The following EML1 variants were observed in gnomAD, a reference collection of about 807,000 sequenced individuals.
EML1 encodes echinoderm microtubule-associated protein-like 1.
A neutral mutation model predicts 110.4 loss-of-function variants in EML1; 27 were observed. That is an observed-to-expected ratio of 0.24 (90% CI 0.18 to 0.34). EML1 has a LOEUF of 0.34. Ranked by LOEUF, EML1 falls within the 10% of genes least tolerant of loss-of-function variation. The pLI is 1.00. For missense variants in EML1, 741 were observed against 1,030.9 expected (o/e 0.72, Z 3.85); for synonymous variants, 344 against 385.8 (o/e 0.89, Z 1.27).
rs1377359483 is a variant in EML1, at chr14:99,939,436, C to A, written c.2322+109C>A. The stretch of plus-strand genomic sequence containing the variant: ...GGCTGTGAGCGACTGCTGCCAGCCA[C>A]AAAGGCAGATGTGACTCTGTTCTTT... On this transcript the variant is annotated intron_variant, in intron 21 of 21. Coordinates refer to ENST00000262233, the MANE Select transcript of EML1 (RefSeq NM_004434.3). This position sits in a 1 kb window ranked among gnomAD's most constrained non-coding sequence, Gnocchi z 4.2. The A allele has an allele frequency of 1.3e-6, 2 of 1,514,354 alleles. No homozygotes were observed. Among genetic ancestry groups the A allele is most frequent in the Non-Finnish European group, 1.8e-6 (2 of 1,119,324 alleles). The allele number at this position is 1,514,354 out of a possible 1,614,324, so 93.8% of individuals were successfully genotyped here.
intron 1 of EML1, among the ~76,000 whole-genome samples, chr14:99,751,345 C>A (rs1290981302): frequency 6.6e-6 from 1 of 152,150 alleles, no homozygotes; most frequent in Non-Finnish European, 1.5e-5. Flanking sequence ...GGGGCCACTG[C>A]ATGGAGGGTC....
chr14:99,786,575 C>T (rs1008246445), intron 1 of EML1, among the ~76,000 whole-genome samples: 1 of 152,168 alleles, frequency 6.6e-6, no homozygotes, highest in Admixed American at 6.5e-5. Context: ...CAGCTCCTAC[C>T]CTGGCGGGCA....
At chr14:99,817,162 C>T (rs2058182129) in intron 1 of EML1, among the ~76,000 whole-genome samples, 3 of 152,100 alleles carry the variant, frequency 2.0e-5, no homozygotes, top group African/African-American at 7.2e-5. Flanking sequence ...CCTGGAGTGA[C>T]GGGCTTACTA....
At chr14:99,874,080 A>C (rs187418017) in intron 3 of EML1, among the ~76,000 whole-genome samples, 55 of 152,222 alleles carry the variant, frequency 3.6e-4, no homozygotes, top group Admixed American at 1.2e-3. Flanking sequence ...TCAATTTTTG[A>C]TTCCCAATCA....
At chr14:99,793,272 C>T, upstream of EML1, 1 of 951,598 alleles carries the variant, frequency 1.1e-6, no homozygotes, top group Non-Finnish European at 1.2e-6. Flanking sequence ...CGAGGCCGCC[C>T]CCTCGCGGGC....
chr14:99,816,024 A>G (rs1464802577), intron 1 of EML1, among the ~76,000 whole-genome samples: 1 of 152,154 alleles, frequency 6.6e-6, no homozygotes, highest in Non-Finnish European at 1.5e-5. Flanking sequence ...TTTACTTTCT[A>G]GTCACTGGCT....
chr14:99,836,732 G>A (rs868156528), intron 1 of EML1, among the ~76,000 whole-genome samples: 1 of 152,192 alleles, frequency 6.6e-6, no homozygotes, highest in African/African-American at 2.4e-5. Flanking sequence ...ATTTTGCCTC[G>A]TTGGGTGCTG....
chr14:99,808,119 C>CCTCTGATCACGATACATACCG (rs1209113904), intron 1 of EML1, among the ~76,000 whole-genome samples: 4 of 151,974 alleles, frequency 2.6e-5, no homozygotes, highest in Non-Finnish European at 5.9e-5. Flanking sequence ...GATACATACC[C>CCTCTGATCACGATACATACCG]CTCTGATCAC....
At chr14:99,821,553 A>G (rs1189018970) in intron 1 of EML1, among the ~76,000 whole-genome samples, 1 of 152,036 alleles carries the variant, frequency 6.6e-6, no homozygotes, top group Non-Finnish European at 1.5e-5. Context: ...CATTATCCAT[A>G]TGATACAGGT....
At chr14:99,857,223 G>A (rs1368337791) in intron 2 of EML1, among the ~76,000 whole-genome samples, 1 of 151,918 alleles carries the variant, frequency 6.6e-6, no homozygotes, top group Non-Finnish European at 1.5e-5. Context: ...AGTGAGCCGA[G>A]GTCACACACT....
chr14:99,751,679 G>C (rs2057177059), intron 1 of EML1, among the ~76,000 whole-genome samples: 1 of 152,138 alleles, frequency 6.6e-6, no homozygotes, highest in South Asian at 2.1e-4. Context: ...GAGCTTCTGA[G>C]AAAAGGGTGT....
At chr14:99,895,685 G>A (rs1403837169) in intron 6 of EML1, among the ~76,000 whole-genome samples, 2 of 151,260 alleles carry the variant, frequency 1.3e-5, no homozygotes, top group Non-Finnish European at 2.9e-5. Context: ...AGAAAAATAT[G>A]AATACCAAAG....
At chr14:99,871,818 A>C (rs1460330371) in intron 3 of EML1, among the ~76,000 whole-genome samples, 1 of 152,200 alleles carries the variant, frequency 6.6e-6, no homozygotes, top group Non-Finnish European at 1.5e-5. Flanking sequence ...TGCTGTGAAC[A>C]CTGTTCACAT....
At position 99,935,128 on chromosome 14, in the gene EML1, C is replaced by T. The variant is rs527404164; in HGVS notation, c.1910-901C>T. Among the ~76,000 whole-genome samples the T allele has an allele frequency of 2.4e-4, 37 of 152,300 alleles. 1 individual carries two copies. The highest frequency in any genetic ancestry group is 6.8e-3 in the Middle Eastern group (2 of 294). On this transcript the variant is annotated intron_variant, in intron 17 of 21. Coordinates refer to ENST00000262233, the MANE Select transcript of EML1 (RefSeq NM_004434.3). Reference sequence around the variant, plus strand: ...GGGCCCTTCCAAGGAATTGAGTCTTCATCCTTCAGTGATTGGGACAGGGAG... The same window carrying T: ...GGGCCCTTCCAAGGAATTGAGTCTTTATCCTTCAGTGATTGGGACAGGGAG...
chr14:99,878,144 A>G (rs1322286984), intron 3 of EML1, among the ~76,000 whole-genome samples: 1 of 139,084 alleles, frequency 7.2e-6, no homozygotes, highest in Non-Finnish European at 1.7e-5. Context: ...TGGCCCAGGG[A>G]AACCAAAAGA....
chr14:99,790,868 T>C (rs920572377), upstream of EML1, among the ~76,000 whole-genome samples: 13 of 148,416 alleles, frequency 8.8e-5, no homozygotes, highest in African/African-American at 3.3e-4. Flanking sequence ...TTCTTTTCCT[T>C]TTTTTTTGTG....
chr14:99,862,671 G>C (rs1203549751), intron 2 of EML1, among the ~76,000 whole-genome samples: 2 of 152,100 alleles, frequency 1.3e-5, no homozygotes, highest in Non-Finnish European at 2.9e-5. Context: ...GTTAGGTTTT[G>C]TGTCCGTTTG....
rs759564911 is a variant in EML1 at position 99,907,622 on chromosome 14, A to G, written c.1009-16A>G. The G allele has an allele frequency of 2.5e-6, 4 of 1,611,062 alleles. No individual in the cohort carries two copies. The African/African-American group carries it at 4.0e-5, about 16-fold the overall frequency. ...ATTCTCAGATATAGTCTTCCTGTGA[A>G]TAACTTTCTTTTCAGAATGGAGGAA... On this transcript the variant is annotated splice_polypyrimidine_tract_variant and intron_variant, in intron 9 of 21. Coordinates refer to ENST00000262233, the MANE Select transcript of EML1 (RefSeq NM_004434.3).
At chr14:99,753,208 C>CCG (rs1260342309) in intron 1 of EML1, among the ~76,000 whole-genome samples, 15 of 134,174 alleles carry the variant, frequency 1.1e-4, no homozygotes, top group African/African-American at 1.9e-4. Context: ...CCCCCCGCCG[C>CCG]CCCCCCACCC....
Sources: gnomAD v4.1 joint callset for allele counts (sites outside exome capture counted in the v4.1 genomes callset) on GRCh38, gnomAD v4.1.1 for gene constraint, Gnocchi (gnomAD v3.1) non-coding constraint, MANE v1.5 for transcripts, NCBI Gene and HGNC (gene_info 2026-07-23, HGNC 2026-07-21) for gene names.